PRTG: variants seen among roughly 807,000 people sequenced by gnomAD.
PRTG encodes protogenin, also known as immunoglobulin superfamily, DCC subclass, member 5.
Under a neutral mutation model 122.5 loss-of-function variants are expected in PRTG, and 67 were observed. That is an observed-to-expected ratio of 0.55 (90% CI 0.45 to 0.67). The LOEUF (loss-of-function observed/expected upper bound fraction) is 0.67. PRTG is among the 30% of genes least tolerant of loss of function. The pLI, the probability that PRTG is intolerant of heterozygous loss-of-function variation, is 0.00. For missense variants in PRTG, 1,435 were observed against 1,415.4 expected (o/e 1.01, Z -0.22); for synonymous variants, 554 against 501.1 (o/e 1.11, Z -1.41).
chr15:55,692,366 G>C (rs576424131), intron 2 of PRTG, among the ~76,000 whole-genome samples: 1 of 152,130 alleles, frequency 6.6e-6, no homozygotes, highest in South Asian at 2.1e-4. Context: ...AAGAGAGGGC[G>C]CACAAAAGAG....
At chr15:55,642,210 T>G (rs1054276020) in intron 11 of PRTG, among the ~76,000 whole-genome samples, 2 of 148,370 alleles carry the variant, frequency 1.3e-5, no homozygotes, top group Non-Finnish European at 3.0e-5. Context: ...AAAATAGTTA[T>G]ACATTTCAAC....
intron 11 of PRTG, among the ~76,000 whole-genome samples, chr15:55,653,546 C>T (rs1188184179): frequency 6.6e-6 from 1 of 151,962 alleles, no homozygotes; most frequent in South Asian, 2.1e-4. Context: ...TCACTGCAAC[C>T]TCTGCCTCCT....
intron 11 of PRTG, among the ~76,000 whole-genome samples, chr15:55,654,235 T>C (rs1329985477): frequency 2.6e-5 from 4 of 152,140 alleles, no homozygotes; most frequent in African/African-American, 9.7e-5. Flanking sequence ...GGAAATATGG[T>C]GAGGGTTGAT....
intron 11 of PRTG, among the ~76,000 whole-genome samples, chr15:55,661,296 TA>T (rs1438671480): frequency 1.3e-5 from 2 of 152,122 alleles, no homozygotes; most frequent in African/African-American, 4.8e-5. Flanking sequence ...AGCACAAACT[TA>T]ACTGACATCG....
chr15:55,626,317 G>C (rs1435723513), intron 17 of PRTG, among the ~76,000 whole-genome samples: 4 of 151,796 alleles, frequency 2.6e-5, no homozygotes, highest in African/African-American at 9.7e-5. Context: ...GCTGCAGCAG[G>C]AGAATGGCTT....
chr15:55,680,666 T>G (rs369766734), intron 4 of PRTG, 38 bp from the exon 5 acceptor site: 3 of 1,333,638 alleles, frequency 2.2e-6, no homozygotes, highest in African/African-American at 3.1e-5. Context: ...AAATAAATTA[T>G]AAATAAGATA....
intron 6 of PRTG, 138 bp from the exon 7 acceptor site, chr15:55,679,583 T>C (rs151279120): frequency 8.6e-5 from 53 of 618,982 alleles, no homozygotes; most frequent in African/African-American, 7.9e-4. Context: ...TACATCTCCA[T>C]ACATCTCTCC....
Position 55,624,388 on chromosome 15 carries a change from T to G in PRTG, c.3047A>C (p.Glu1016Ala). The part of the protein sequence containing the change: ...KNLEGAVGNE[E>A]SLMPMIMPNS... Reference sequence around the variant, plus strand: ...TGGCATGATCATTGGCATTAAAGATTCTTCATTTCCTACAGCTCCTTCCAG... The same window carrying G: ...TGGCATGATCATTGGCATTAAAGATGCTTCATTTCCTACAGCTCCTTCCAG... The change falls in exon 18 of 20, where the codon GAA becomes GCA. Residue 1016 changes from glutamate (E) to alanine (A), a missense_variant. Transcript: ENST00000389286. 1.2e-6 allele frequency: 2 copies of G among 1,614,146 alleles called. No homozygotes were observed. The highest frequency in any genetic ancestry group is 2.2e-5 in the South Asian group (2 of 91,074).
chr15:55,689,382 GA>G (rs891523808), intron 2 of PRTG, among the ~76,000 whole-genome samples: 3 of 151,782 alleles, frequency 2.0e-5, no homozygotes, highest in Non-Finnish European at 2.9e-5. Context: ...CATAGCAAAA[GA>G]AAAAAAATCT....
intron 2 of PRTG, among the ~76,000 whole-genome samples, chr15:55,706,773 A>G (rs2030142906): frequency 1.3e-5 from 2 of 152,014 alleles, no homozygotes; most frequent in Admixed American, 1.3e-4. Flanking sequence ...TCTCTTAAAA[A>G]AGAGAGAGAG....
At chr15:55,680,666 T>C in intron 4 of PRTG, 38 bp from the exon 5 acceptor site, 1 of 1,333,762 alleles carries the variant, frequency 7.5e-7, no homozygotes, top group Non-Finnish European at 1.0e-6. Flanking sequence ...AAATAAATTA[T>C]AAATAAGATA....
intron 2 of PRTG, chr15:55,738,683 A>G (rs1336862016): frequency 7.5e-6 from 3 of 400,840 alleles, no homozygotes; most frequent in Non-Finnish European, 1.3e-5. Context: ...CCATTACTCC[A>G]TGAAAAAAAT....
At chr15:55,656,101 C>T (rs1394548530) in intron 11 of PRTG, 1 of 223,534 alleles carries the variant, frequency 4.5e-6, no homozygotes, top group Non-Finnish European at 9.0e-6. Flanking sequence ...TATTATTATA[C>T]CCAACAAATT....
At chr15:55,634,860 G>C in intron 15 of PRTG, among the ~76,000 whole-genome samples, 1 of 151,944 alleles carries the variant, frequency 6.6e-6, no homozygotes, top group Admixed American at 6.6e-5. Flanking sequence ...AGAATACTGT[G>C]GTAGACTGTA....
intron 11 of PRTG, among the ~76,000 whole-genome samples, chr15:55,649,745 T>C (rs1222328101): frequency 2.6e-5 from 4 of 151,858 alleles, no homozygotes; most frequent in Non-Finnish European, 5.9e-5. Context: ...TGAGCTGAGA[T>C]TGGGTCACTG....
intron 15 of PRTG, among the ~76,000 whole-genome samples, chr15:55,634,703 A>C (rs971113178): frequency 6.6e-6 from 1 of 151,950 alleles, no homozygotes; most frequent in East Asian, 2.0e-4. Context: ...TTAGCCAGGC[A>C]TGATGGCGTG....
chr15:55,637,307 G>A lies in PRTG; in HGVS notation c.2486C>T (p.Thr829Ile). 1 of 1,613,440 alleles carries A rather than the reference G, an allele frequency of 6.2e-7. No homozygotes were observed. The highest frequency in any genetic ancestry group is 8.5e-7 in the Non-Finnish European group (1 of 1,179,818). The stretch of plus-strand genomic sequence containing the variant: ...CAGGGCAGTGTCATCCTCTATTAAT[G>A]TCACTTTTACTCCAACTGGTGGGCC... ...PAGPPVGVKV[T>I]LIEDDTALVS... The change falls in exon 15 of 20, where the codon ACA (threonine) becomes ATA (isoleucine). Residue 829 changes from threonine (T) to isoleucine (I), a missense_variant. Transcript: ENST00000389286.
intron 2 of PRTG, among the ~76,000 whole-genome samples, chr15:55,697,105 CATGTTCAA>C (rs1414611592): frequency 1.3e-5 from 2 of 152,168 alleles, no homozygotes; most frequent in African/African-American, 4.8e-5. Flanking sequence ...TGGGACTCCC[CATGTTCAA>C]TTTATTTGGC....
intron 11 of PRTG, among the ~76,000 whole-genome samples, chr15:55,660,429 C>A (rs1480144473): frequency 6.6e-6 from 1 of 152,142 alleles, no homozygotes; most frequent in Admixed American, 6.5e-5. Context: ...AGATTCTTTA[C>A]ATTCACCAGA....
Sources: allele counts gnomAD v4.1 joint callset (sites outside exome capture counted in the v4.1 genomes callset), GRCh38; gene constraint gnomAD v4.1.1; transcripts MANE v1.5; gene names NCBI Gene and HGNC (gene_info 2026-07-23, HGNC 2026-07-21).